Variants in HIP1 observed in about 807,000 individuals in gnomAD.
HIP1 encodes huntingtin-interacting protein 1.
Under a neutral mutation model 147.6 loss-of-function variants are expected in HIP1, and 65 were observed. That is an observed-to-expected ratio of 0.44 (90% confidence interval 0.36 to 0.54). HIP1 has a LOEUF of 0.54. Ranked by LOEUF, HIP1 falls within the 20% of genes least tolerant of loss-of-function variation. The probability of loss-of-function intolerance (pLI) is 0.00; values close to 1 mark genes in which losing one functional copy is unlikely to be tolerated. For missense variants in HIP1, 1,061 were observed against 1,299.6 expected (o/e 0.82, Z 2.82); for synonymous variants, 479 against 504.0 (o/e 0.95, Z 0.67).
At chr7:75,698,421 G>A (rs1387066492) in intron 1 of HIP1, among the ~76,000 whole-genome samples, 4 of 152,240 alleles carry the variant, frequency 2.6e-5, no homozygotes, top group East Asian at 1.9e-4. Context: ...AACCCAGGCA[G>A]TTCTACTCTT....
chr7:75,586,708 G>T, intron 5 of HIP1, 45 bp downstream of exon 5: 2 of 1,211,866 alleles, frequency 1.7e-6, no homozygotes, highest in African/African-American at 1.5e-5. Flanking sequence ...AAGGGATGGA[G>T]CAGGGGAGGC....
In HIP1 at chr7:75,537,556, A is replaced by G. The variant is rs1454761540; in HGVS notation, c.*616T>C. The G allele has an allele frequency of 1.3e-5, 3 of 232,320 alleles. No individual in the cohort carries two copies. The highest frequency in any genetic ancestry group is 1.2e-4 in the East Asian group (2 of 16,486). The allele number at this position is 232,320 out of a possible 1,614,324, so 14.4% of individuals were successfully genotyped here. A position where few individuals can be genotyped will look rare whatever the true frequency, so the allele number is the denominator to read the frequency against. ...AAACCAAAAAACCCAACCAACCACC[A>G]TAAGAAGCAGTGGAAATCCATGGCA... On this transcript the variant is annotated 3_prime_UTR_variant, in exon 31 of 31. Transcript: ENST00000336926.
chr7:75,549,235 C>G (rs982041395), intron 22 of HIP1, among the ~76,000 whole-genome samples: 1 of 152,134 alleles, frequency 6.6e-6, no homozygotes, highest in African/African-American at 2.4e-5. Context: ...AGAATGCCAT[C>G]GCTGCCTCCC....
Position 75,537,593 on chromosome 7 carries a change from G to T in HIP1, c.*579C>A, listed in dbSNP as rs148240151. On this transcript the variant is annotated 3_prime_UTR_variant, in exon 31 of 31. Coordinates refer to ENST00000336926, the MANE Select transcript of HIP1 (RefSeq NM_005338.7). Reference sequence around the variant, plus strand: ...GGAAATCCATGGCACTGCCCAAAGAGGGGGAGAATGGCTTTGGCATTCACA... The same window carrying T: ...GGAAATCCATGGCACTGCCCAAAGATGGGGAGAATGGCTTTGGCATTCACA... 8.6e-6 allele frequency: 2 copies of T among 233,236 alleles called. No individual in the cohort carries two copies. The highest frequency in any genetic ancestry group is 1.7e-5 in the Non-Finnish European group (2 of 118,134). 14.4% of individuals were successfully genotyped at this position (233,236 alleles called of 1,614,324 possible).
intron 1 of HIP1, 31 bp downstream of exon 1, chr7:75,738,770 C>A: frequency 1.3e-6 from 2 of 1,593,124 alleles, no homozygotes. Context: ...TCAGGGTGCC[C>A]CAGGGATGCC....
rs1794071772 is a variant in HIP1, at chr7:75,536,005, T to C, written c.*2167A>G. 1.1e-5 allele frequency: 2 copies of C among 180,210 alleles called. No homozygotes were observed. Among genetic ancestry groups the C allele is most frequent in the South Asian group, 2.0e-4 (1 of 5,066 alleles). The allele number at this position is 180,210 out of a possible 1,614,324, so 11.2% of individuals were successfully genotyped here. On this transcript the variant is annotated 3_prime_UTR_variant, in exon 31 of 31. Coordinates refer to ENST00000336926, the MANE Select transcript of HIP1 (RefSeq NM_005338.7). Reference sequence around the variant, plus strand: ...CTGGGATTACAGGCGTGAGCCACTGTGCCCGGCCACCCCTTGGTAATTGGG... The same window carrying C: ...CTGGGATTACAGGCGTGAGCCACTGCGCCCGGCCACCCCTTGGTAATTGGG...
intron 3 of HIP1, 51 bp from the exon 4 acceptor site, chr7:75,592,163 C>T: frequency 1.3e-6 from 2 of 1,566,868 alleles, no homozygotes; most frequent in South Asian, 2.2e-5. Flanking sequence ...GAAAGAAAGA[C>T]AAAGGGAAGG....
chr7:75,732,815 CACG>C (rs1370878357), intron 1 of HIP1, among the ~76,000 whole-genome samples: 4 of 152,136 alleles, frequency 2.6e-5, no homozygotes, highest in Non-Finnish European at 4.4e-5. Flanking sequence ...CTGTGGTGAA[CACG>C]ACAAGTCCTG....
intron 5 of HIP1, among the ~76,000 whole-genome samples, chr7:75,586,233 G>C (rs1290602487): frequency 6.9e-6 from 1 of 145,938 alleles, no homozygotes; most frequent in Non-Finnish European, 1.5e-5. Flanking sequence ...GTCTCATTTT[G>C]TCTCCCAGGC....
At chr7:75,666,290 T>A (rs1358520933) in intron 1 of HIP1, among the ~76,000 whole-genome samples, 1 of 152,024 alleles carries the variant, frequency 6.6e-6, no homozygotes, top group Non-Finnish European at 1.5e-5. Context: ...TGCCTCAGCC[T>A]CCCAAGTAGC....
At chr7:75,718,599 A>G (rs1234340107) in intron 1 of HIP1, among the ~76,000 whole-genome samples, 2 of 152,214 alleles carry the variant, frequency 1.3e-5, no homozygotes, top group Non-Finnish European at 2.9e-5. Flanking sequence ...CTTGGAGCCA[A>G]CGTTCTTCCT....
chr7:75,565,639 G>C (rs782227793), intron 9 of HIP1, among the ~76,000 whole-genome samples: 1 of 152,056 alleles, frequency 6.6e-6, no homozygotes, highest in Non-Finnish European at 1.5e-5. Flanking sequence ...CTTTTACACA[G>C]CTAAGTCAGG....
chr7:75,706,474 T>TTTA (rs1411883842), intron 1 of HIP1, among the ~76,000 whole-genome samples: 1 of 14,444 alleles, frequency 6.9e-5, no homozygotes, highest in African/African-American at 9.5e-4. Context: ...ATATATCTTC[T>TTTA]TTTTTTTTAT....
At chr7:75,727,327 C>A (rs1260078536) in intron 1 of HIP1, among the ~76,000 whole-genome samples, 1 of 150,066 alleles carries the variant, frequency 6.7e-6, no homozygotes, top group Non-Finnish European at 1.5e-5. Context: ...AACTTCTGGG[C>A]TCAAGGGATC....
At chr7:75,695,727 A>G (rs897397295) in intron 1 of HIP1, among the ~76,000 whole-genome samples, 1 of 151,970 alleles carries the variant, frequency 6.6e-6, no homozygotes, top group African/African-American at 2.4e-5. Flanking sequence ...GGCATGCACC[A>G]CCACACCCAG....
rs1250478197 is a variant in HIP1, at chr7:75,664,134, GTGTACA to G, written c.121-64893_121-64888del. On this transcript the variant is annotated intron_variant, in intron 1 of 30. Transcript: ENST00000336926. Reference sequence around the variant, plus strand: ...TGTATGCATATATGCACACACATGTGTGTACATACATACATGTATGTGTGTATATTT... The same window carrying G: ...TGTATGCATATATGCACACACATGTGTACATACATGTATGTGTGTATATTT... 1.8e-4 allele frequency among the ~76,000 whole-genome samples: 6 copies of G among 33,492 alleles called. 1 individual carries two copies. Among genetic ancestry groups the G allele is most frequent in the East Asian group, 6.4e-4 (1 of 1,570 alleles). The allele number at this position is 33,492 out of a possible 152,430, so 22.0% of individuals were successfully genotyped here.
At position 75,688,869 on chromosome 7, in the gene HIP1, C is replaced by T. The variant is rs114129062; in HGVS notation, c.120+49932G>A. ...CAGTGCTTCCTACTGACCAGCTGACCGGGGCTTTCATCAAGGCCCCCTTTG... is the reference window on the plus strand; with the variant it reads ...CAGTGCTTCCTACTGACCAGCTGACTGGGGCTTTCATCAAGGCCCCCTTTG... On this transcript the variant is annotated intron_variant, in intron 1 of 30. Transcript: ENST00000336926. 9.2e-3 allele frequency among the ~76,000 whole-genome samples: 1,408 copies of T among 152,276 alleles called. 26 individuals carry two copies. Among genetic ancestry groups the T allele is most frequent in the African/African-American group, 0.031 (1,302 of 41,544 alleles).
intron 25 of HIP1, among the ~76,000 whole-genome samples, chr7:75,545,687 T>C (rs1158512306): frequency 6.6e-6 from 1 of 151,988 alleles, no homozygotes; most frequent in Non-Finnish European, 1.5e-5. Flanking sequence ...GGTTCACGCC[T>C]GTAATCCCAG....
At chr7:75,569,751 A>G (rs917879189) in intron 8 of HIP1, among the ~76,000 whole-genome samples, 1 of 152,168 alleles carries the variant, frequency 6.6e-6, no homozygotes, top group Admixed American at 6.6e-5. Context: ...AGAATTCAGG[A>G]ACATTCTACA....
Sources: allele counts gnomAD v4.1 joint callset (sites outside exome capture counted in the v4.1 genomes callset), GRCh38; gene constraint gnomAD v4.1.1; transcripts MANE v1.5; gene names NCBI Gene and HGNC (gene_info 2026-07-23, HGNC 2026-07-21).